Variants in PEX14 observed in about 807,000 individuals in gnomAD.
PEX14 encodes the protein peroxisomal biogenesis factor 14.
PEX14 carries 15 observed loss-of-function variants against 49.5 expected under a neutral mutation model. The ratio of observed to expected loss-of-function variants is 0.30; its 90% CI spans 0.20 to 0.47. The LOEUF (loss-of-function observed/expected upper bound fraction) is 0.47. Ranked by LOEUF, PEX14 falls within the 20% of genes least tolerant of loss-of-function variation. PEX14 has a pLI of 1.00. For missense variants in PEX14, 398 were observed against 494.8 expected (o/e 0.80, Z 1.86); for synonymous variants, 210 against 212.7 (o/e 0.99, Z 0.11).
rs33963510 is a variant in PEX14, at chr1:10,554,133, C to CAAA, written c.169+17855_169+17857dup. 4.5e-3 allele frequency among the ~76,000 whole-genome samples: 499 copies of CAAA among 111,050 alleles called. 9 individuals are homozygous for CAAA. The highest frequency in any genetic ancestry group is 0.017 in the African/African-American group (475 of 28,490). 72.9% of individuals were successfully genotyped at this position (111,050 alleles called of 152,430 possible). A position where few individuals can be genotyped will look rare whatever the true frequency, so the allele number is the denominator to read the frequency against. On this transcript the variant is annotated intron_variant, in intron 3 of 8. Coordinates refer to ENST00000356607, the MANE Select transcript of PEX14 (RefSeq NM_004565.3). ...TGAAACCCCGTCTCTACTAAAAATA[C>CAAA]AAAAAAAAAAAAAAAAAAAAATTAG... is the stretch of plus-strand genomic sequence containing the variant.
intron 3 of PEX14, among the ~76,000 whole-genome samples, chr1:10,548,086 G>A (rs904525758): frequency 1.3e-5 from 2 of 152,050 alleles, no homozygotes; most frequent in African/African-American, 2.4e-5. Context: ...GCGTGGTGGC[G>A]CATGCCTGTC....
chr1:10,627,928 ATTTATT>A (rs1468823582), intron 8 of PEX14, among the ~76,000 whole-genome samples: 7 of 151,944 alleles, frequency 4.6e-5, no homozygotes, highest in Non-Finnish European at 7.4e-5. Context: ...TCCTGGTTTT[ATTTATT>A]TTTATTTTTA....
intron 2 of PEX14, among the ~76,000 whole-genome samples, chr1:10,524,248 T>C (rs757994965): frequency 6.6e-6 from 1 of 152,204 alleles, no homozygotes; most frequent in Non-Finnish European, 1.5e-5. Context: ...TGAGGGATGT[T>C]TCAGGAAGCT....
chr1:10,522,369 T>C (rs950324938), intron 2 of PEX14, among the ~76,000 whole-genome samples: 1 of 152,208 alleles, frequency 6.6e-6, no homozygotes, highest in African/African-American at 2.4e-5. Context: ...TTCAGGAAAG[T>C]AGATTTCAAC....
intron 4 of PEX14, among the ~76,000 whole-genome samples, chr1:10,601,292 A>C (rs972533142): frequency 6.7e-6 from 1 of 148,978 alleles, no homozygotes; most frequent in Non-Finnish European, 1.5e-5. Context: ...AAAGTGTTAG[A>C]TATCAGATTT....
chr1:10,572,793 C>G (rs1640015864), intron 3 of PEX14, among the ~76,000 whole-genome samples: 1 of 152,208 alleles, frequency 6.6e-6, no homozygotes, highest in Non-Finnish European at 1.5e-5. Flanking sequence ...TCCTCAGCCT[C>G]CCAGAGTGCT....
At chr1:10,484,481 C>T (rs926872151) in intron 1 of PEX14, among the ~76,000 whole-genome samples, 1 of 151,762 alleles carries the variant, frequency 6.6e-6, no homozygotes. Context: ...CCATGAATTA[C>T]TTTTTACCGC....
intron 4 of PEX14, among the ~76,000 whole-genome samples, chr1:10,609,430 C>A (rs1191605279): frequency 6.6e-6 from 1 of 152,200 alleles, no homozygotes; most frequent in African/African-American, 2.4e-5. Flanking sequence ...CAAGTTGTAA[C>A]TCATTTAACT....
At chr1:10,488,523 G>A (rs1011747400) in intron 1 of PEX14, among the ~76,000 whole-genome samples, 7 of 150,890 alleles carry the variant, frequency 4.6e-5, no homozygotes, top group African/African-American at 7.3e-5. Context: ...TTTTTGAGAC[G>A]GAATGTCACT....
chr1:10,486,681 CTCTG>C (rs977240826), intron 1 of PEX14, among the ~76,000 whole-genome samples: 1 of 137,530 alleles, frequency 7.3e-6, no homozygotes, highest in African/African-American at 2.6e-5. Flanking sequence ...AAGATGGAGA[CTCTG>C]TCTCTTTTTT....
intron 3 of PEX14, among the ~76,000 whole-genome samples, chr1:10,588,637 C>G (rs1010914948): frequency 3.3e-5 from 5 of 152,176 alleles, no homozygotes; most frequent in Admixed American, 2.6e-4. Context: ...CCAGCTTATC[C>G]ATGCTGTGGA....
At chr1:10,544,902 C>T (rs1156429093) in intron 3 of PEX14, among the ~76,000 whole-genome samples, 1 of 152,068 alleles carries the variant, frequency 6.6e-6, no homozygotes, top group Non-Finnish European at 1.5e-5. Context: ...AGCTGGGCCA[C>T]AGGCACACGC....
intron 3 of PEX14, among the ~76,000 whole-genome samples, chr1:10,581,147 A>T (rs918067807): frequency 3.3e-5 from 5 of 152,100 alleles, no homozygotes; most frequent in African/African-American, 1.2e-4. Context: ...GGGAAATAGT[A>T]TGCTGTTGCC....
At chr1:10,478,987 G>A (rs546909716) in intron 1 of PEX14, among the ~76,000 whole-genome samples, 25 of 151,660 alleles carry the variant, frequency 1.6e-4, no homozygotes, top group Admixed American at 9.2e-4. Context: ...TCCTGACCTC[G>A]TGATCCGCCC....
intron 2 of PEX14, among the ~76,000 whole-genome samples, chr1:10,518,964 G>A (rs966336106): frequency 2.6e-5 from 4 of 152,060 alleles, no homozygotes; most frequent in African/African-American, 7.3e-5. Flanking sequence ...GTTTCTTGCC[G>A]TGTGCTTGTC....
intron 2 of PEX14, among the ~76,000 whole-genome samples, chr1:10,515,933 G>A (rs1440150422): frequency 6.6e-6 from 1 of 152,168 alleles, no homozygotes; most frequent in African/African-American, 2.4e-5. Flanking sequence ...TGGGCATAAC[G>A]ATGGCAGGTA....
intron 2 of PEX14, among the ~76,000 whole-genome samples, chr1:10,531,213 C>T (rs1042581493): frequency 2.6e-5 from 4 of 152,160 alleles, no homozygotes; most frequent in East Asian, 1.9e-4. Context: ...ATAATTAGCC[C>T]GTTGCATTTT....
At chr1:10,585,177 G>A (rs1302668758) in intron 3 of PEX14, among the ~76,000 whole-genome samples, 1 of 152,112 alleles carries the variant, frequency 6.6e-6, no homozygotes, top group Non-Finnish European at 1.5e-5. Flanking sequence ...TTCCATTGAC[G>A]GGTGCTAAAA....
At chr1:10,615,730 G>A (rs1403205024) in intron 4 of PEX14, among the ~76,000 whole-genome samples, 1 of 152,198 alleles carries the variant, frequency 6.6e-6, no homozygotes, top group African/African-American at 2.4e-5. Context: ...GTAGAAAGTT[G>A]GAAATGAGCT....
Sources: allele counts gnomAD v4.1 joint callset (sites outside exome capture counted in the v4.1 genomes callset), GRCh38; gene constraint gnomAD v4.1.1; transcripts MANE v1.5; gene names NCBI Gene and HGNC (gene_info 2026-07-23, HGNC 2026-07-21).